The following ANKS1B variants were observed in gnomAD, a reference collection of about 807,000 sequenced individuals.
The protein encoded by ANKS1B is ankyrin repeat and sterile alpha motif domain containing 1B.
Under a neutral mutation model 148.3 loss-of-function variants are expected in ANKS1B, and 36 were observed. The observed-to-expected ratio is 0.24, with a 90% CI of 0.19 to 0.32. ANKS1B has a LOEUF of 0.32. Among genes scored for constraint, ANKS1B ranks in the 10% least tolerant of loss-of-function variants. The pLI is 1.00. For missense variants in ANKS1B, 1,157 were observed against 1,542.6 expected (o/e 0.75, Z 4.19); for synonymous variants, 542 against 560.8 (o/e 0.97, Z 0.47).
At chr12:99,945,616 C>T (rs865913787) in intron 1 of ANKS1B, among the ~76,000 whole-genome samples, 2 of 152,180 alleles carry the variant, frequency 1.3e-5, no homozygotes, top group Non-Finnish European at 2.9e-5. Context: ...CTCAGGGATG[C>T]CCACAGATAT....
chr12:99,623,318 T>C (rs1489288790), intron 9 of ANKS1B, among the ~76,000 whole-genome samples: 2 of 151,704 alleles, frequency 1.3e-5, no homozygotes, highest in Admixed American at 6.6e-5. Flanking sequence ...AGGGAAAAAA[T>C]TGAAGCATTT....
At chr12:98,987,149 G>A (rs1024340049) in intron 17 of ANKS1B, among the ~76,000 whole-genome samples, 19 of 151,562 alleles carry the variant, frequency 1.3e-4, no homozygotes, top group African/African-American at 4.6e-4. Context: ...ATGTTTTTGT[G>A]TCAAGTAAAC....
intron 12 of ANKS1B, among the ~76,000 whole-genome samples, chr12:99,288,723 G>T (rs1441004037): frequency 1.3e-5 from 2 of 152,002 alleles, no homozygotes; most frequent in Non-Finnish European, 2.9e-5. Context: ...GATGTTATTT[G>T]CAAGCCTCCT....
chr12:99,637,355 C>A (rs1329778885), intron 9 of ANKS1B, among the ~76,000 whole-genome samples: 2 of 152,060 alleles, frequency 1.3e-5, no homozygotes, highest in South Asian at 2.1e-4. Context: ...TTGGCTGTGT[C>A]CCCACCCAAA....
chr12:99,386,250 C>T (rs923879255), intron 12 of ANKS1B: 10 of 152,160 alleles, frequency 6.6e-5, no homozygotes, highest in African/African-American at 1.2e-4. Context: ...AACTATGCTA[C>T]GGAAAACTCA....
chr12:98,813,407 A>AG lies in ANKS1B; in HGVS notation c.3067-5490dup, dbSNP rs2153635821. ...TTTTTTTTCTAAATGTGTAGAGAGGAGGTCTTGCTATGTTGCCCAGGCTGG... is the reference window on the plus strand; with the variant it reads ...TTTTTTTTCTAAATGTGTAGAGAGGAGGGTCTTGCTATGTTGCCCAGGCTGG... On this transcript the variant is annotated intron_variant, in intron 19 of 26. Transcript: ENST00000683438. Among the ~76,000 whole-genome samples, 3 of 144,736 alleles carry AG rather than the reference A, an allele frequency of 2.1e-5. No homozygotes were observed. The East Asian group carries it at 6.1e-4, about 30-fold the overall frequency. 95.0% of individuals were successfully genotyped at this position (144,736 alleles called of 152,430 possible).
chr12:98,817,255 A>G (rs1181542983), intron 19 of ANKS1B, among the ~76,000 whole-genome samples: 2 of 152,266 alleles, frequency 1.3e-5, no homozygotes, highest in Non-Finnish European at 2.9e-5. Flanking sequence ...CAGCAAAGGA[A>G]GCCTTAGCCA....
At chr12:99,809,995 T>A (rs1031771687) in intron 3 of ANKS1B, among the ~76,000 whole-genome samples, 1 of 152,028 alleles carries the variant, frequency 6.6e-6, no homozygotes, top group Non-Finnish European at 1.5e-5. Flanking sequence ...TAGGGCTTAG[T>A]AAGATAACGG....
intron 17 of ANKS1B, among the ~76,000 whole-genome samples, chr12:98,975,563 T>A (rs974811366): frequency 9.9e-5 from 15 of 152,222 alleles, no homozygotes; most frequent in African/African-American, 3.1e-4. Flanking sequence ...GGAGACAGAT[T>A]ATAAACAAAG....
intron 2 of ANKS1B, 23 bp downstream of exon 2, chr12:99,825,286 C>G (rs1475517923): frequency 5.7e-6 from 9 of 1,590,352 alleles, no homozygotes; most frequent in Non-Finnish European, 7.7e-6. Context: ...ACACACGATT[C>G]CGTCCAAATA....
At chr12:99,473,044 C>A (rs369500660) in intron 10 of ANKS1B, among the ~76,000 whole-genome samples, 2 of 152,018 alleles carry the variant, frequency 1.3e-5, no homozygotes, top group East Asian at 3.9e-4. Flanking sequence ...CTTTTAAAAT[C>A]TCTTTTATAT....
intron 10 of ANKS1B, among the ~76,000 whole-genome samples, chr12:99,499,053 C>A (rs544645213): frequency 6.6e-6 from 1 of 152,288 alleles, no homozygotes; most frequent in East Asian, 1.9e-4. Flanking sequence ...TATTTCCTTA[C>A]CTAACCAGAA....
chr12:99,650,247 T>G (rs2098409276), intron 9 of ANKS1B, among the ~76,000 whole-genome samples: 1 of 94,110 alleles, frequency 1.1e-5, no homozygotes, highest in Non-Finnish European at 2.7e-5. Context: ...ATTCTAAAAC[T>G]GTTTTCCAAA....
intron 16 of ANKS1B, among the ~76,000 whole-genome samples, chr12:99,072,769 C>A (rs966802760): frequency 2.0e-5 from 3 of 152,158 alleles, no homozygotes; most frequent in Non-Finnish European, 4.4e-5. Flanking sequence ...AATAGTTCTC[C>A]ATAGCATTTA....
intron 11 of ANKS1B, among the ~76,000 whole-genome samples, chr12:99,443,003 T>C (rs896935824): frequency 6.6e-6 from 1 of 151,914 alleles, no homozygotes; most frequent in South Asian, 2.1e-4. Context: ...ATAAGTGCTA[T>C]TTTCAATGAA....
chr12:99,706,964 C>G (rs1211583543), intron 8 of ANKS1B, among the ~76,000 whole-genome samples: 1 of 152,094 alleles, frequency 6.6e-6, no homozygotes, highest in African/African-American at 2.4e-5. Flanking sequence ...TGGGTGACAC[C>G]TTGATTCTAG....
chr12:98,860,154 T>C (rs1364271725), intron 17 of ANKS1B, among the ~76,000 whole-genome samples: 1 of 152,244 alleles, frequency 6.6e-6, no homozygotes, highest in Non-Finnish European at 1.5e-5. Flanking sequence ...TTTAAAAACC[T>C]ATATGTTTTC....
rs535349090 is a variant in ANKS1B, at chr12:98,984,964, T to C, written c.2778+68193A>G. ...AGGTCAAGGCTGCAGTGAACTATGA[T>C]TGTGCCACTGTACTTCAACCTGGGT... is the stretch of plus-strand genomic sequence containing the variant. On this transcript the variant is annotated intron_variant, in intron 17 of 26. Coordinates refer to ENST00000683438, the MANE Select transcript of ANKS1B (RefSeq NM_001352186.2). Among the ~76,000 whole-genome samples, 3 of 152,306 alleles carry C rather than the reference T, an allele frequency of 2.0e-5. No homozygotes were observed. The South Asian group carries it at 6.2e-4, about 32-fold the overall frequency.
intron 1 of ANKS1B, among the ~76,000 whole-genome samples, chr12:99,873,883 C>A (rs1452784492): frequency 6.6e-6 from 1 of 151,954 alleles, no homozygotes; most frequent in Non-Finnish European, 1.5e-5. Context: ...ACCAGCAGAC[C>A]ACCTTTGGAC....
Sources: gnomAD v4.1 joint callset for allele counts (sites outside exome capture counted in the v4.1 genomes callset) on GRCh38, gnomAD v4.1.1 for gene constraint, MANE v1.5 for transcripts, NCBI Gene and HGNC (gene_info 2026-07-23, HGNC 2026-07-21) for gene names.